Variants in EIPR1 observed in about 807,000 individuals in gnomAD.
EIPR1 encodes EARP complex and GARP complex interacting protein 1.
In EIPR1, 25 loss-of-function variants were observed where a neutral mutation model predicts 48.1. The observed-to-expected ratio is 0.52, with a 90% CI of 0.38 to 0.73. The LOEUF (loss-of-function observed/expected upper bound fraction) is 0.73. Ranked by LOEUF, EIPR1 falls within the 30% of genes least tolerant of loss-of-function variation. EIPR1 has a pLI of 0.00. For missense variants in EIPR1, 415 were observed against 506.2 expected, an observed-to-expected ratio of 0.82 and a Z score of 1.73; for synonymous variants, 204 against 201.9, an observed-to-expected ratio of 1.01 and a Z score of -0.09.
At chr2:3,327,266 C>T (rs1288036660) in intron 3 of EIPR1, among the ~76,000 whole-genome samples, 1 of 152,024 alleles carries the variant, frequency 6.6e-6, no homozygotes, top group Non-Finnish European at 1.5e-5. Flanking sequence ...CTACTGCAAC[C>T]GCCACCTCCC....
chr2:3,259,767 C>G (rs1396993672), intron 3 of EIPR1, among the ~76,000 whole-genome samples: 1 of 152,192 alleles, frequency 6.6e-6, no homozygotes, highest in Admixed American at 6.5e-5. Flanking sequence ...TGGAAAGAAA[C>G]AGACCCTTAG....
chr2:3,218,082 C>T (rs1665702604), intron 4 of EIPR1, among the ~76,000 whole-genome samples: 1 of 152,010 alleles, frequency 6.6e-6, no homozygotes, highest in Non-Finnish European at 1.5e-5. Flanking sequence ...CCAGCATGGC[C>T]CCGATACACT....
chr2:3,344,245 C>T (rs905470132), intron 2 of EIPR1, among the ~76,000 whole-genome samples: 2 of 152,204 alleles, frequency 1.3e-5, no homozygotes, highest in African/African-American at 4.8e-5. Context: ...CCACGTCATC[C>T]ATGACTAAAA....
intron 4 of EIPR1, among the ~76,000 whole-genome samples, chr2:3,219,353 C>G (rs1016078591): frequency 1.3e-5 from 2 of 149,550 alleles, no homozygotes; most frequent in Admixed American, 1.3e-4. Flanking sequence ...AGAGCATTCA[C>G]AGTGACTCAG....
intron 4 of EIPR1, among the ~76,000 whole-genome samples, chr2:3,221,688 G>A (rs71279308): frequency 6.3e-5 from 1 of 15,858 alleles, no homozygotes; most frequent in African/African-American, 1.2e-4. Context: ...ACACTCTAGA[G>A]CATTCACAGT....
intron 5 of EIPR1, among the ~76,000 whole-genome samples, chr2:3,205,154 C>T (rs1077627): frequency 0.017 from 2,597 of 152,292 alleles, 77 homozygotes; most frequent in African/African-American, 0.059. Flanking sequence ...CTGGGCTGCA[C>T]GGCAAGCGGG....
At chr2:3,343,342 A>G (rs984510089) in intron 2 of EIPR1, among the ~76,000 whole-genome samples, 10 of 152,260 alleles carry the variant, frequency 6.6e-5, no homozygotes, top group Non-Finnish European at 8.8e-5. Flanking sequence ...ATACGCAGGT[A>G]CAGGCCGGCT....
intron 5 of EIPR1, among the ~76,000 whole-genome samples, chr2:3,197,899 C>A (rs1446360333): frequency 6.6e-6 from 1 of 152,180 alleles, no homozygotes; most frequent in East Asian, 1.9e-4. Context: ...GTGAGGCGGG[C>A]CTGGCCAGGC....
intron 3 of EIPR1, chr2:3,282,928 C>T (rs1668059152): frequency 6.6e-6 from 1 of 152,278 alleles, no homozygotes; most frequent in Admixed American, 6.5e-5. Flanking sequence ...CGAGGAGGTG[C>T]TCTTACTATT....
chr2:3,349,613 C>T (rs900294547), intron 2 of EIPR1, among the ~76,000 whole-genome samples: 8 of 148,202 alleles, frequency 5.4e-5, no homozygotes, highest in African/African-American at 1.5e-4. Context: ...ACAGGGAGGA[C>T]GCCGGGAGAC....
chr2:3,214,343 A>C, intron 4 of EIPR1, 95 bp from the exon 5 acceptor site: 1 of 1,185,982 alleles, frequency 8.4e-7, no homozygotes, highest in South Asian at 1.4e-5. Flanking sequence ...ATGACGCAGG[A>C]AATCTTTTCC....
chr2:3,307,483 T>C (rs1048602255), intron 3 of EIPR1, among the ~76,000 whole-genome samples: 3 of 152,226 alleles, frequency 2.0e-5, no homozygotes, highest in African/African-American at 7.2e-5. Context: ...CTATGGAGAC[T>C]GTCTCTGTGC....
At chr2:3,203,768 T>C (rs1420923289) in intron 5 of EIPR1, among the ~76,000 whole-genome samples, 1 of 152,204 alleles carries the variant, frequency 6.6e-6, no homozygotes, top group Admixed American at 6.5e-5. Context: ...AGATCTGGGC[T>C]TCATCTTGCT....
chr2:3,300,648 GA>G (rs935295904), intron 3 of EIPR1, among the ~76,000 whole-genome samples: 61 of 143,778 alleles, frequency 4.2e-4, no homozygotes, highest in Middle Eastern at 3.5e-3. Flanking sequence ...CCATTTCCAT[GA>G]AAAAAAAAAA....
At chr2:3,302,484 C>T (rs1668790041) in intron 3 of EIPR1, among the ~76,000 whole-genome samples, 1 of 152,266 alleles carries the variant, frequency 6.6e-6, no homozygotes, top group Admixed American at 6.5e-5. Context: ...CAGCACCACA[C>T]TCTCCTTTCT....
chr2:3,336,992 G>A (rs72765360), intron 3 of EIPR1, among the ~76,000 whole-genome samples: 11,286 of 91,626 alleles, frequency 0.12, 2,096 homozygotes, highest in Non-Finnish European at 0.15. Flanking sequence ...GGGAAAGGAA[G>A]AAGGAAGGGA....
chr2:3,244,138 C>T (rs1006467449), intron 4 of EIPR1, among the ~76,000 whole-genome samples: 25 of 152,338 alleles, frequency 1.6e-4, no homozygotes, highest in South Asian at 2.1e-4. Context: ...TCCAGGGAAA[C>T]GTTAACATAT....
At chr2:3,277,759 C>G (rs532739881) in intron 3 of EIPR1, among the ~76,000 whole-genome samples, 1 of 152,250 alleles carries the variant, frequency 6.6e-6, no homozygotes, top group Admixed American at 6.5e-5. Flanking sequence ...TTACTTGTTG[C>G]GCAGCCTCGG....
intron 3 of EIPR1, among the ~76,000 whole-genome samples, chr2:3,323,572 C>T (rs926292908): frequency 6.6e-6 from 1 of 152,198 alleles, no homozygotes. Flanking sequence ...CAACGTTCGC[C>T]GTGTTGTCAG....
Sources: gnomAD v4.1 joint callset for allele counts (sites outside exome capture counted in the v4.1 genomes callset) on GRCh38, gnomAD v4.1.1 for gene constraint, MANE v1.5 for transcripts, NCBI Gene and HGNC (gene_info 2026-07-23, HGNC 2026-07-21) for gene names.